Variants in CAST observed in about 807,000 individuals in gnomAD.
CAST encodes calpastatin, also known as MIR583 host.
In CAST, 76 loss-of-function variants were observed where a neutral mutation model predicts 119.6. That is an observed-to-expected ratio of 0.64 (90% confidence interval 0.53 to 0.77). The LOEUF is 0.77. Ranked by LOEUF, CAST falls within the 30% of genes least tolerant of loss-of-function variation. The probability of loss-of-function intolerance (pLI) is 0.00; values close to 1 mark genes in which losing one functional copy is unlikely to be tolerated. For synonymous variants in CAST, 319 were observed against 331.6 expected (o/e 0.96, Z 0.41); for missense variants, 953 against 946.5 (o/e 1.01, Z -0.09).
the CAST span, among the ~76,000 whole-genome samples, chr5:96,101,886 G>A: frequency 2.5e-4 from 38 of 152,306 alleles, no homozygotes; most frequent in Middle Eastern, 3.4e-3. Flanking sequence ...TGCCATCCCT[G>A]CAGCCAGACC....
chr5:96,606,075 A>G (rs923943555), intron 1 of CAST, among the ~76,000 whole-genome samples: 2 of 152,064 alleles, frequency 1.3e-5, no homozygotes, highest in African/African-American at 4.8e-5. Flanking sequence ...GGGTAATAGA[A>G]TTTTCTTAAA....
chr5:96,134,316 A>C, the CAST span, among the ~76,000 whole-genome samples: 85 of 152,342 alleles, frequency 5.6e-4, no homozygotes, highest in African/African-American at 1.9e-3. Flanking sequence ...TTTGATTAAA[A>C]CTGATTTCAG....
chr5:96,214,965 T>C, the CAST span: 1 of 152,234 alleles, frequency 6.6e-6, no homozygotes, highest in Non-Finnish European at 1.5e-5. Context: ...TTCTAAAATA[T>C]TCCTGCCAGG....
At chr5:96,543,618 G>GT (rs1745955996) in intron 1 of CAST, among the ~76,000 whole-genome samples, 1 of 152,128 alleles carries the variant, frequency 6.6e-6, no homozygotes, top group African/African-American at 2.4e-5. Context: ...CTAATCGATG[G>GT]TTTTTTTCAT....
At chr5:96,107,254 A>G in the CAST span, among the ~76,000 whole-genome samples, 10 of 151,790 alleles carry the variant, frequency 6.6e-5, no homozygotes, top group African/African-American at 2.2e-4. Context: ...GTGTGAATTT[A>G]ATCCTGTCAT....
the CAST span, among the ~76,000 whole-genome samples, chr5:96,157,712 T>C: frequency 1.3e-5 from 2 of 152,224 alleles, no homozygotes; most frequent in Admixed American, 1.3e-4. Context: ...CTTCTCACTT[T>C]CCTTGATTGC....
In CAST at chr5:96,705,508, A is replaced by G. The variant is rs563831543; in HGVS notation, c.210+9601A>G. Among the ~76,000 whole-genome samples the G allele has an allele frequency of 7.2e-5, 11 of 152,264 alleles. No individual in the cohort carries two copies. In the South Asian group the frequency reaches 1.2e-3, roughly 17 times the overall value. ...GATTTGGGCAGAAACTGTGTAATCA[A>G]TCATACCGTTAGCAAGGTGACATTG... On this transcript the variant is annotated intron_variant, in intron 3 of 31. Transcript: ENST00000675179.
At chr5:96,218,363 G>A in the CAST span, among the ~76,000 whole-genome samples, 1 of 152,188 alleles carries the variant, frequency 6.6e-6, no homozygotes, top group African/African-American at 2.4e-5. Flanking sequence ...GAAGGGGCTG[G>A]CTGACATGGA....
At chr5:96,455,026 A>G in the CAST span, among the ~76,000 whole-genome samples, 3 of 152,230 alleles carry the variant, frequency 2.0e-5, no homozygotes, top group African/African-American at 4.8e-5. Flanking sequence ...AAATGAATTT[A>G]GCATAAAAAG....
the CAST span, among the ~76,000 whole-genome samples, chr5:96,368,851 T>C: frequency 6.6e-6 from 1 of 152,142 alleles, no homozygotes; most frequent in Non-Finnish European, 1.5e-5. Flanking sequence ...ACACCCTTAA[T>C]TGGCTAGGTA....
At chr5:96,562,165 A>G (rs1442013298) in intron 1 of CAST, among the ~76,000 whole-genome samples, 1 of 150,474 alleles carries the variant, frequency 6.6e-6, no homozygotes, top group Non-Finnish European at 1.5e-5. Flanking sequence ...AAAATTTAGA[A>G]GGCGTTAATA....
chr5:95,971,537 A>C, the CAST span, among the ~76,000 whole-genome samples: 1 of 152,222 alleles, frequency 6.6e-6, no homozygotes, highest in Non-Finnish European at 1.5e-5. Context: ...CAAAAATTCG[A>C]CAAACAGAAC....
rs111640042 is a variant in CAST at position 96,711,081 on chromosome 5, C to T, written c.211-11558C>T. ...TTGTTTTCTTCTCCAGCCCTTCTGA[C>T]AATCATATTTTTATACCTGTTCACA... On this transcript the variant is annotated intron_variant, in intron 3 of 31. Transcript: ENST00000675179. 3.9e-3 allele frequency among the ~76,000 whole-genome samples: 594 copies of T among 152,288 alleles called. 10 individuals carry two copies. Among genetic ancestry groups the T allele is most frequent in the South Asian group, 0.033 (159 of 4,820 alleles).
the CAST span, among the ~76,000 whole-genome samples, chr5:96,371,672 C>T: frequency 7.2e-5 from 11 of 152,192 alleles, no homozygotes; most frequent in South Asian, 1.2e-3. Flanking sequence ...CCTATCATAC[C>T]ATCTGGCACA....
intron 1 of CAST, among the ~76,000 whole-genome samples, chr5:96,633,048 T>G (rs1181202226): frequency 6.6e-6 from 1 of 152,316 alleles, no homozygotes; most frequent in African/African-American, 2.4e-5. Context: ...CTCAGCTCAC[T>G]GAAACTTCTG....
At chr5:96,282,668 T>A in the CAST span, among the ~76,000 whole-genome samples, 2 of 152,214 alleles carry the variant, frequency 1.3e-5, no homozygotes, top group Non-Finnish European at 2.9e-5. Flanking sequence ...TTTTAAGTTG[T>A]CACCTATTAA....
the CAST span, among the ~76,000 whole-genome samples, chr5:96,498,899 C>T: frequency 6.6e-6 from 1 of 152,042 alleles, no homozygotes; most frequent in Non-Finnish European, 1.5e-5. Context: ...GAACTCAAGA[C>T]CACTATGGAG....
the CAST span, among the ~76,000 whole-genome samples, chr5:96,132,911 A>G: frequency 6.6e-6 from 1 of 152,200 alleles, no homozygotes; most frequent in Non-Finnish European, 1.5e-5. Context: ...ATATAAGACA[A>G]GATGCTAAAA....
intron 1 of CAST, among the ~76,000 whole-genome samples, chr5:96,534,722 A>AAGGAAGGAAGGAAGGAAGGAAG (rs1416482525): frequency 1.3e-3 from 20 of 14,988 alleles, no homozygotes; most frequent in South Asian, 6.2e-3. Context: ...AAGGAGAGAG[A>AAGGAAGGAAGGAAGGAAGGAAG]GAGAGAGAGA....
Sources: allele counts gnomAD v4.1 joint callset (sites outside exome capture counted in the v4.1 genomes callset), GRCh38; gene constraint gnomAD v4.1.1; transcripts MANE v1.5; gene names NCBI Gene and HGNC (gene_info 2026-07-23, HGNC 2026-07-21).